The following LPP variants were observed in gnomAD, a reference collection of about 807,000 sequenced individuals.
LPP encodes the protein LIM domain containing preferred translocation partner in lipoma, also known as lipoma-preferred partner.
A neutral mutation model predicts 60.4 loss-of-function variants in LPP; 38 were observed. The observed-to-expected ratio is 0.63, with a 90% CI of 0.49 to 0.83. The LOEUF is 0.83. LPP is among the 40% of genes least tolerant of loss of function. LPP has a pLI of 0.00. For missense variants in LPP, 902 were observed against 783.6 expected, an observed-to-expected ratio of 1.15 and a Z score of -1.80; for synonymous variants, 328 against 290.8, an observed-to-expected ratio of 1.13 and a Z score of -1.30.
chr3:188,222,823 G>A (rs1349577542), intron 1 of LPP, among the ~76,000 whole-genome samples: 1 of 151,990 alleles, frequency 6.6e-6, no homozygotes, highest in Non-Finnish European at 1.5e-5. Context: ...TCATTCATCA[G>A]CCTTTACTTA....
chr3:188,242,689 A>G (rs1160655918), intron 2 of LPP, among the ~76,000 whole-genome samples: 2 of 152,174 alleles, frequency 1.3e-5, no homozygotes, highest in Non-Finnish European at 1.5e-5. Flanking sequence ...GGGCCAGGTG[A>G]TCATCAAGGT....
chr3:188,708,341 G>C lies in LPP; in HGVS notation c.1188G>C (p.Leu396=). 1 of 1,614,154 alleles carries C rather than the reference G, an allele frequency of 6.2e-7. No homozygotes were observed. ...GCCCAGAGGATGAGCTTGAGCACCT[G>C]ACCAAAAAGATGCTGTATGACATGG... ...SFRPEDELEH[L]TKKMLYDMEN... The change falls in exon 8 of 12, where the codon CTG becomes CTC. Residue 396 remains leucine, a synonymous_variant. Coordinates refer to ENST00000617246, the MANE Select transcript of LPP (RefSeq NM_001375462.1).
At chr3:188,404,435 G>A (rs1054032862) in intron 3 of LPP, among the ~76,000 whole-genome samples, 2 of 152,118 alleles carry the variant, frequency 1.3e-5, no homozygotes, top group Non-Finnish European at 2.9e-5. Flanking sequence ...TGTAGAGACC[G>A]AGTCTCATTC....
At chr3:188,658,393 GC>G (rs1254895653) in intron 7 of LPP, among the ~76,000 whole-genome samples, 1 of 134,504 alleles carries the variant, frequency 7.4e-6, no homozygotes, top group Non-Finnish European at 1.6e-5. Flanking sequence ...TGGTCTGCCT[GC>G]CTTGGCCTCC....
intron 3 of LPP, among the ~76,000 whole-genome samples, chr3:188,400,310 A>C (rs1335143776): frequency 6.6e-6 from 1 of 152,202 alleles, no homozygotes; most frequent in Non-Finnish European, 1.5e-5. Context: ...TCTGTGTCCC[A>C]GCTTCAGCTT....
intron 3 of LPP, among the ~76,000 whole-genome samples, chr3:188,399,517 G>A (rs1439359406): frequency 6.6e-6 from 1 of 152,162 alleles, no homozygotes; most frequent in Non-Finnish European, 1.5e-5. Flanking sequence ...TCAGTTCTGT[G>A]GTGTTAATCT....
At chr3:188,796,636 G>A (rs1745436820) in intron 9 of LPP, among the ~76,000 whole-genome samples, 1 of 152,280 alleles carries the variant, frequency 6.6e-6, no homozygotes. Context: ...ACCATGTTTA[G>A]TTAAGAACAT....
intron 1 of LPP, among the ~76,000 whole-genome samples, chr3:188,219,444 A>C (rs78771837): frequency 6.7e-6 from 1 of 150,208 alleles, no homozygotes; most frequent in Non-Finnish European, 1.5e-5. Flanking sequence ...AGATTTTCTT[A>C]CCTCTGAAGT....
At chr3:188,277,961 T>C (rs933692784) in intron 2 of LPP, among the ~76,000 whole-genome samples, 1 of 152,212 alleles carries the variant, frequency 6.6e-6, no homozygotes, top group Non-Finnish European at 1.5e-5. Flanking sequence ...GAAAAATCAT[T>C]TATTCTCCAT....
At chr3:188,248,327 G>T (rs1727758125) in intron 2 of LPP, among the ~76,000 whole-genome samples, 1 of 151,818 alleles carries the variant, frequency 6.6e-6, no homozygotes, top group South Asian at 2.1e-4. Flanking sequence ...AAAAATGAGA[G>T]CAAGGAATAT....
intron 3 of LPP, 98 bp from the exon 4 acceptor site, chr3:188,406,014 A>T: frequency 1.0e-6 from 1 of 969,278 alleles, no homozygotes; most frequent in Non-Finnish European, 1.5e-6. Context: ...CTTTATCAGG[A>T]TGCATTTAGT....
chr3:188,822,565 G>C (rs1160822087), intron 9 of LPP, among the ~76,000 whole-genome samples: 2 of 152,178 alleles, frequency 1.3e-5, no homozygotes, highest in Non-Finnish European at 2.9e-5. Flanking sequence ...TGGAAAGAAT[G>C]TCCTGGAGGC....
intron 5 of LPP, among the ~76,000 whole-genome samples, chr3:188,496,133 T>A (rs1453609593): frequency 6.6e-6 from 1 of 152,058 alleles, no homozygotes; most frequent in East Asian, 1.9e-4. Context: ...TTGACGTCTT[T>A]TTTTTTTGAG....
intron 3 of LPP, among the ~76,000 whole-genome samples, chr3:188,365,689 T>TC (rs201929115): frequency 0.015 from 1,880 of 124,366 alleles, 36 homozygotes; most frequent in African/African-American, 0.049. Context: ...TTCTTCTTCT[T>TC]TTTTTTTTTT....
chr3:188,847,448 A>T (rs908916149), intron 9 of LPP, among the ~76,000 whole-genome samples: 5 of 152,242 alleles, frequency 3.3e-5, no homozygotes, highest in African/African-American at 1.2e-4. Flanking sequence ...ATTCCCATGT[A>T]GTCAGAAACC....
chr3:188,459,300 A>C (rs144093592), intron 4 of LPP, among the ~76,000 whole-genome samples: 4 of 152,262 alleles, frequency 2.6e-5, no homozygotes, highest in African/African-American at 4.8e-5. Flanking sequence ...GTAACAACTT[A>C]TGTGCTTAAT....
intron 2 of LPP, among the ~76,000 whole-genome samples, chr3:188,333,349 C>T (rs921264685): frequency 1.3e-5 from 2 of 152,092 alleles, no homozygotes; most frequent in African/African-American, 2.4e-5. Flanking sequence ...CCAGATCTGC[C>T]GTTAACTAGA....
chr3:188,232,041 T>C (rs1376257143), intron 2 of LPP, among the ~76,000 whole-genome samples: 1 of 152,216 alleles, frequency 6.6e-6, no homozygotes, highest in Non-Finnish European at 1.5e-5. Flanking sequence ...CAATACCCTC[T>C]GTCTGGCAGG....
At chr3:188,718,036 A>C (rs1367785437) in intron 8 of LPP, among the ~76,000 whole-genome samples, 1 of 152,080 alleles carries the variant, frequency 6.6e-6, no homozygotes, top group Non-Finnish European at 1.5e-5. Flanking sequence ...GGTCAGGCTG[A>C]TCTCGAACTC....
Sources: gnomAD v4.1 joint callset for allele counts (sites outside exome capture counted in the v4.1 genomes callset) on GRCh38, gnomAD v4.1.1 for gene constraint, MANE v1.5 for transcripts, NCBI Gene and HGNC (gene_info 2026-07-23, HGNC 2026-07-21) for gene names.